The following GNAQ variants were observed in gnomAD, a reference collection of about 807,000 sequenced individuals.
GNAQ encodes the protein guanine nucleotide-binding protein G(q) subunit alpha.
Under a neutral mutation model 43.9 loss-of-function variants are expected in GNAQ, and 8 were observed. That is an observed-to-expected ratio of 0.18 (90% CI 0.11 to 0.33). The LOEUF (loss-of-function observed/expected upper bound fraction) is 0.33, where lower values mean the gene tolerates loss of function less well. GNAQ is among the 10% of genes least tolerant of loss of function. GNAQ has a pLI of 1.00. For synonymous variants in GNAQ, 155 were observed against 170.7 expected, an observed-to-expected ratio of 0.91 and a Z score of 0.71; for missense variants, 158 against 450.8, an observed-to-expected ratio of 0.35 and a Z score of 5.88.
chr9:77,766,271 T>G (rs762549852), intron 5 of GNAQ, among the ~76,000 whole-genome samples: 11 of 152,204 alleles, frequency 7.2e-5, no homozygotes, highest in Non-Finnish European at 5.9e-5. Context: ...TAAAATGAAG[T>G]CTGTTTTTAG....
chr9:77,726,658 T>G (rs1207328768), intron 6 of GNAQ, among the ~76,000 whole-genome samples: 1 of 152,254 alleles, frequency 6.6e-6, no homozygotes, highest in African/African-American at 2.4e-5. Flanking sequence ...GTTGACAATG[T>G]AATTTTAAAA....
intron 5 of GNAQ, among the ~76,000 whole-genome samples, chr9:77,776,896 T>C (rs1370716882): frequency 6.6e-6 from 1 of 151,220 alleles, no homozygotes; most frequent in Non-Finnish European, 1.5e-5. Context: ...ACTCACAAGC[T>C]GATCTTAAAA....
rs1430323997 is a variant in GNAQ, at chr9:77,802,509, T to C, written c.477-4861A>G. On this transcript the variant is annotated intron_variant, in intron 3 of 6. Coordinates refer to ENST00000286548, the MANE Select transcript of GNAQ (RefSeq NM_002072.5). ...TTCTAAAAAAAAAATTGGTGGAATA[T>C]GAGGGACAGGTTCATGTTAAATTAT... is the stretch of plus-strand genomic sequence containing the variant. 2.6e-5 allele frequency among the ~76,000 whole-genome samples: 4 copies of C among 152,098 alleles called. No individual in the cohort carries two copies. In the East Asian group the frequency reaches 7.7e-4, roughly 29 times the overall value.
chr9:77,905,633 A>G (rs1337786038), intron 2 of GNAQ, among the ~76,000 whole-genome samples: 3 of 152,226 alleles, frequency 2.0e-5, no homozygotes, highest in Non-Finnish European at 2.9e-5. Context: ...AAAGTCGATC[A>G]TACACTTGGA....
intron 1 of GNAQ, among the ~76,000 whole-genome samples, chr9:78,022,876 T>C (rs986285019): frequency 6.6e-6 from 1 of 152,154 alleles, no homozygotes. Context: ...CTCAGGCTGA[T>C]TGGGTATAAC....
At chr9:77,761,549 G>A in intron 5 of GNAQ, among the ~76,000 whole-genome samples, 1 of 143,818 alleles carries the variant, frequency 7.0e-6, no homozygotes, top group Non-Finnish European at 1.5e-5. Context: ...AGGGAGGTGG[G>A]GGGGTCAGCC....
chr9:78,030,299 C>A (rs1261566681), intron 1 of GNAQ, among the ~76,000 whole-genome samples: 1 of 152,180 alleles, frequency 6.6e-6, no homozygotes, highest in Non-Finnish European at 1.5e-5. Flanking sequence ...AACCACACAG[C>A]ACAACGCTCC....
chr9:77,857,397 T>C (rs1827772275), intron 2 of GNAQ, among the ~76,000 whole-genome samples: 1 of 152,060 alleles, frequency 6.6e-6, no homozygotes, highest in South Asian at 2.1e-4. Context: ...TTGTTTAACT[T>C]GCAGGGATCC....
At chr9:77,923,415 A>G (rs1051854150) in intron 1 of GNAQ, among the ~76,000 whole-genome samples, 2 of 152,168 alleles carry the variant, frequency 1.3e-5, no homozygotes, top group Admixed American at 6.5e-5. Context: ...ATAAGCCTGA[A>G]GGTAACCCCT....
intron 1 of GNAQ, among the ~76,000 whole-genome samples, chr9:78,000,596 G>A (rs1823631346): frequency 6.6e-6 from 1 of 152,122 alleles, no homozygotes; most frequent in African/African-American, 2.4e-5. Context: ...TTGCTGACAT[G>A]GATTACACCA....
chr9:77,975,756 T>C (rs934156085), intron 1 of GNAQ, among the ~76,000 whole-genome samples: 1 of 152,082 alleles, frequency 6.6e-6, no homozygotes, highest in South Asian at 2.1e-4. Context: ...GCCAGGATGG[T>C]TGATCTCTTG....
chr9:77,985,981 TG>T (rs1349869701), intron 1 of GNAQ, among the ~76,000 whole-genome samples: 10 of 152,210 alleles, frequency 6.6e-5, no homozygotes, highest in African/African-American at 2.4e-4. Context: ...CTGGACAGTT[TG>T]ACTGTATACG....
chr9:77,797,416 T>A, intron 4 of GNAQ, 104 bp downstream of exon 4: 4 of 828,762 alleles, frequency 4.8e-6, no homozygotes, highest in Non-Finnish European at 8.3e-6. Flanking sequence ...GTATAAAGCC[T>A]ATCTTGTTTT....
chr9:77,977,764 T>A (rs542327807), intron 1 of GNAQ, among the ~76,000 whole-genome samples: 103 of 152,280 alleles, frequency 6.8e-4, no homozygotes, highest in Admixed American at 1.3e-3. Flanking sequence ...TGGGGTTCTT[T>A]CCTTTATGTT....
Position 77,899,152 on chromosome 9 carries a change from T to C in GNAQ, c.321+23009A>G, listed in dbSNP as rs1328302533. On this transcript the variant is annotated intron_variant, in intron 2 of 6. Coordinates refer to ENST00000286548, the MANE Select transcript of GNAQ (RefSeq NM_002072.5). The stretch of plus-strand genomic sequence containing the variant: ...TGTTCTGTCGCCCAGGCTGGAGTGT[T>C]GTAGTGCAATATGGGCTCACTGCAG... 2.6e-5 allele frequency among the ~76,000 whole-genome samples: 4 copies of C among 152,148 alleles called. No individual in the cohort carries two copies. The East Asian group carries it at 7.7e-4, about 29-fold the overall frequency.
chr9:77,987,409 CAT>C (rs1348063726), intron 1 of GNAQ, among the ~76,000 whole-genome samples: 1 of 152,148 alleles, frequency 6.6e-6, no homozygotes, highest in Admixed American at 6.5e-5. Context: ...ATCAGAGTAA[CAT>C]ATGCTGAATA....
At chr9:77,909,113 C>T (rs1330640436) in intron 2 of GNAQ, among the ~76,000 whole-genome samples, 1 of 152,210 alleles carries the variant, frequency 6.6e-6, no homozygotes, top group Non-Finnish European at 1.5e-5. Context: ...CTCTGGGCCA[C>T]CATTCTCCTC....
rs193146618 is a variant in GNAQ, at chr9:77,877,383, G to C, written c.321+44778C>G. Among the ~76,000 whole-genome samples the C allele has an allele frequency of 1.2e-4, 19 of 152,260 alleles. No homozygotes were observed. In the East Asian group the frequency reaches 3.7e-3, roughly 29 times the overall value. ...AGAAGTAGCTCCTTCACCACCCCATGTAATGACGAGAATAGGTAAAAACTC... is the reference window on the plus strand; with the variant it reads ...AGAAGTAGCTCCTTCACCACCCCATCTAATGACGAGAATAGGTAAAAACTC... On this transcript the variant is annotated intron_variant, in intron 2 of 6. Transcript: ENST00000286548.
chr9:77,775,474 A>G (rs1305732357), intron 5 of GNAQ, among the ~76,000 whole-genome samples: 4 of 142,916 alleles, frequency 2.8e-5, no homozygotes, highest in African/African-American at 8.0e-5. Context: ...CAGTGGCGTG[A>G]TATCAGCTCA....
Sources: gnomAD v4.1 joint callset for allele counts (sites outside exome capture counted in the v4.1 genomes callset) on GRCh38, gnomAD v4.1.1 for gene constraint, MANE v1.5 for transcripts, NCBI Gene and HGNC (gene_info 2026-07-23, HGNC 2026-07-21) for gene names.